The following AHI1 variants were observed in gnomAD, a reference collection of about 807,000 sequenced individuals.
The protein encoded by AHI1 is Abelson helper integration site 1, also known as jouberin.
In AHI1, 123 loss-of-function variants were observed where a neutral mutation model predicts 149.3. The observed-to-expected ratio is 0.82, with a 90% confidence interval of 0.71 to 0.96. AHI1 has a LOEUF of 0.96. Among genes scored for constraint, AHI1 ranks in the 40% least tolerant of loss-of-function variants. The pLI is 0.00. For missense variants in AHI1, 1,439 were observed against 1,422.7 expected, an observed-to-expected ratio of 1.01 and a Z score of -0.18; for synonymous variants, 475 against 459.8, an observed-to-expected ratio of 1.03 and a Z score of -0.42.
intron 27 of AHI1, chr6:135,297,467 C>T (rs1255728285): frequency 3.1e-5 from 14 of 456,156 alleles, no homozygotes; most frequent in Non-Finnish European, 6.2e-5. Flanking sequence ...ATGCATATTC[C>T]TCCTGCCTTC....
chr6:135,285,677 A>T (rs1189146843), intron 28 of AHI1, 30 bp from the exon 29 acceptor site: 2 of 1,564,138 alleles, frequency 1.3e-6, no homozygotes, highest in Middle Eastern at 3.3e-4. Context: ...AAATGTACTA[A>T]ATAAACTTGA....
At chr6:135,425,769 T>C (rs1465378374) in intron 20 of AHI1, among the ~76,000 whole-genome samples, 1 of 151,790 alleles carries the variant, frequency 6.6e-6, no homozygotes, top group Admixed American at 6.6e-5. Context: ...TAGAATGGAC[T>C]TCTTTGCTTA....
At chr6:135,437,955 G>C (rs1036075396) in intron 15 of AHI1, among the ~76,000 whole-genome samples, 12 of 151,934 alleles carry the variant, frequency 7.9e-5, no homozygotes, top group Non-Finnish European at 1.5e-4. Context: ...TAAAATATAA[G>C]GTACATATTT....
At position 135,344,998 on chromosome 6, in the gene AHI1, CATAATT is replaced by C. The variant is rs556696893; in HGVS notation, c.3165+13128_3165+13133del. 1.9e-3 allele frequency among the ~76,000 whole-genome samples: 281 copies of C among 150,116 alleles called. 1 individual carries two copies. The highest frequency in any genetic ancestry group is 6.7e-3 in the African/African-American group (272 of 40,574). On this transcript the variant is annotated intron_variant, in intron 24 of 28. Coordinates refer to ENST00000265602, the MANE Select transcript of AHI1 (RefSeq NM_001134831.2). ...TAGTATACATAATTATATAACAAAA[CATAATT>C]ATAATCTCCCCAATTAGAAAATGAG...
intron 24 of AHI1, among the ~76,000 whole-genome samples, chr6:135,351,758 A>G (rs1353372774): frequency 1.3e-5 from 2 of 152,206 alleles, no homozygotes; most frequent in African/African-American, 4.8e-5. Flanking sequence ...ATACATGATC[A>G]TATTTGTGCT....
Position 135,323,175 on chromosome 6 carries a change from A to G in AHI1, c.3315T>C (p.His1105=), listed in dbSNP as rs749914844. Residue 1105 remains histidine (H), a synonymous_variant, in exon 25 of 29, where the codon CAT becomes CAC. Transcript: ENST00000265602. ...CATAAAACTTACTTTCACTAGCCAC[A>G]TGATTAGCTGGAAAATAACCTTCCT... The part of the protein sequence containing the change: ...KGQEGYFPAN[H]VASETLYQEL... 1.9e-6 allele frequency: 3 copies of G among 1,610,596 alleles called. No homozygotes were observed. The East Asian group carries it at 6.7e-5, about 36-fold the overall frequency.
chr6:135,350,815 C>G (rs1582751329), intron 24 of AHI1, among the ~76,000 whole-genome samples: 1 of 151,986 alleles, frequency 6.6e-6, no homozygotes, highest in Non-Finnish European at 1.5e-5. Flanking sequence ...ACAGAGAGTA[C>G]CATAGGATGA....
chr6:135,489,121 G>T (rs981046756), intron 5 of AHI1, among the ~76,000 whole-genome samples: 5 of 152,126 alleles, frequency 3.3e-5, no homozygotes, highest in African/African-American at 1.2e-4. Context: ...AAAATATTTT[G>T]TTCTCCTCTA....
At chr6:135,406,982 G>A (rs1036295741) in intron 21 of AHI1, among the ~76,000 whole-genome samples, 1 of 152,152 alleles carries the variant, frequency 6.6e-6, no homozygotes, top group Non-Finnish European at 1.5e-5. Context: ...CAAGATACCC[G>A]TGAAGTCTTA....
chr6:135,317,872 G>A (rs1322359688), intron 26 of AHI1, among the ~76,000 whole-genome samples: 3 of 152,224 alleles, frequency 2.0e-5, no homozygotes, highest in African/African-American at 7.2e-5. Context: ...GTTATTCAGT[G>A]TAAGGGAAGA....
At chr6:135,442,832 A>C (rs2128046810) in intron 13 of AHI1, 118 bp from the exon 14 acceptor site, 1 of 940,364 alleles carries the variant, frequency 1.1e-6, no homozygotes, top group Non-Finnish European at 1.5e-6. Context: ...AAAGAGAAAA[A>C]CAAGTACGCA....
At chr6:135,473,983 T>C (rs1015767832) in intron 5 of AHI1, among the ~76,000 whole-genome samples, 4 of 152,182 alleles carry the variant, frequency 2.6e-5, no homozygotes, top group South Asian at 2.1e-4. Flanking sequence ...TATTCTGTTA[T>C]TCACTTTCAG....
In AHI1 at chr6:135,466,392, A is replaced by G; in HGVS notation, c.190-19T>C. The G allele has an allele frequency of 6.2e-7, 1 of 1,600,666 alleles. No individual in the cohort carries two copies. The highest frequency in any genetic ancestry group is 8.5e-7 in the Non-Finnish European group (1 of 1,171,020). ...TGTCGGGCTAGGAAAAGAAGACATG[A>G]TAACAAAGTTTCAGTTACACATAGA... On this transcript the variant is annotated intron_variant, in intron 6 of 28. Coordinates refer to ENST00000265602, the MANE Select transcript of AHI1 (RefSeq NM_001134831.2).
chr6:135,351,310 T>C (rs149236077), intron 24 of AHI1, among the ~76,000 whole-genome samples: 29 of 152,320 alleles, frequency 1.9e-4, no homozygotes, highest in Middle Eastern at 3.4e-3. Flanking sequence ...AAATATGTTC[T>C]TGTCCTTAAT....
rs906819689 is a variant in AHI1 at position 135,311,621 on chromosome 6, A to C, written c.3426+6898T>G. 3.9e-5 allele frequency among the ~76,000 whole-genome samples: 6 copies of C among 152,128 alleles called. No individual in the cohort carries two copies. In the East Asian group the frequency reaches 9.6e-4, roughly 24 times the overall value. On this transcript the variant is annotated intron_variant, in intron 26 of 28. Coordinates refer to ENST00000265602, the MANE Select transcript of AHI1 (RefSeq NM_001134831.2). The stretch of plus-strand genomic sequence containing the variant: ...TTCCTCCCCAAATAAATGGATCATA[A>C]AGGTTAATGCTTAGGCTAGCAAAAA...
intron 24 of AHI1, among the ~76,000 whole-genome samples, chr6:135,344,705 T>C (rs895857004): frequency 1.3e-5 from 2 of 150,144 alleles, no homozygotes; most frequent in Non-Finnish European, 3.0e-5. Context: ...TTTTTCTTTC[T>C]CTCTCTTTCT....
chr6:135,292,911 TCTC>T (rs1446923149), intron 27 of AHI1, among the ~76,000 whole-genome samples: 7 of 152,104 alleles, frequency 4.6e-5, no homozygotes, highest in Non-Finnish European at 8.8e-5. Context: ...GCCAGCATTA[TCTC>T]CTCATCAAAA....
At chr6:135,355,433 G>C (rs887660467) in intron 24 of AHI1, among the ~76,000 whole-genome samples, 1 of 152,126 alleles carries the variant, frequency 6.6e-6, no homozygotes, top group African/African-American at 2.4e-5. Context: ...ATTAAAAAGA[G>C]AGTGAGAGGT....
intron 24 of AHI1, among the ~76,000 whole-genome samples, chr6:135,350,899 A>C (rs1392480619): frequency 6.6e-6 from 1 of 152,132 alleles, no homozygotes; most frequent in Non-Finnish European, 1.5e-5. Context: ...GTTTTATCCT[A>C]AACATAAGGA....
Sources: allele counts gnomAD v4.1 joint callset (sites outside exome capture counted in the v4.1 genomes callset), GRCh38; gene constraint gnomAD v4.1.1; transcripts MANE v1.5; gene names NCBI Gene and HGNC (gene_info 2026-07-23, HGNC 2026-07-21).